Variants in WWP2 observed in about 807,000 individuals in gnomAD.
WWP2 encodes the protein WW domain containing E3 ubiquitin protein ligase 2.
In WWP2, 57 loss-of-function variants were observed where a neutral mutation model predicts 121.0. That is an observed-to-expected ratio of 0.47 (90% CI 0.38 to 0.59). The LOEUF (loss-of-function observed/expected upper bound fraction) is 0.59, where lower values mean the gene tolerates loss of function less well. Ranked by LOEUF, WWP2 falls within the 20% of genes least tolerant of loss-of-function variation. The pLI is 0.00. For synonymous variants in WWP2, 449 were observed against 441.3 expected (o/e 1.02, Z -0.22); for missense variants, 962 against 1,158.9 (o/e 0.83, Z 2.47).
intron 1 of WWP2, among the ~76,000 whole-genome samples, chr16:69,778,940 C>T (rs1048087960): frequency 1.2e-4 from 4 of 32,642 alleles, no homozygotes; most frequent in South Asian, 1.2e-3. Flanking sequence ...CACACCTGGC[C>T]GGTTATTTAT....
At chr16:69,930,495 T>G (rs1331125989) in intron 13 of WWP2, among the ~76,000 whole-genome samples, 1 of 152,100 alleles carries the variant, frequency 6.6e-6, no homozygotes, top group African/African-American at 2.4e-5. Context: ...ATAAAAAAGA[T>G]TAACCAGGCT....
At chr16:69,922,529 C>T (rs2058578358) in intron 10 of WWP2, among the ~76,000 whole-genome samples, 1 of 152,168 alleles carries the variant, frequency 6.6e-6, no homozygotes, top group Non-Finnish European at 1.5e-5. Context: ...TAGGATCTCC[C>T]TTCTGGCTGC....
intron 4 of WWP2, among the ~76,000 whole-genome samples, chr16:69,836,917 T>G (rs986181109): frequency 1.4e-5 from 2 of 141,972 alleles, no homozygotes; most frequent in African/African-American, 5.3e-5. Context: ...TGAGCCACCA[T>G]GCCCAGTCCT....
At chr16:69,854,245 G>T (rs1469910157) in intron 6 of WWP2, among the ~76,000 whole-genome samples, 3 of 152,228 alleles carry the variant, frequency 2.0e-5, no homozygotes. Context: ...TTGGTAGCTT[G>T]ACCATGTGCT....
At position 69,937,322 on chromosome 16, in the gene WWP2, A is replaced by G; in HGVS notation, c.2238+84A>G. On this transcript the variant is annotated intron_variant, in intron 20 of 23. Transcript: ENST00000359154. The surrounding 1 kb of genome is among the most constrained non-coding windows in gnomAD (Gnocchi z 6.6). ...TGATACGCTCACTGTGTACCCACAGACACTCAGCGTAAAACTCCCACTTCG... is the reference window on the plus strand; with the variant it reads ...TGATACGCTCACTGTGTACCCACAGGCACTCAGCGTAAAACTCCCACTTCG... 4 of 1,566,082 alleles carry G rather than the reference A, an allele frequency of 2.6e-6. No individual in the cohort carries two copies. The highest frequency in any genetic ancestry group is 1.7e-4 in the Middle Eastern group (1 of 5,852).
intron 1 of WWP2, among the ~76,000 whole-genome samples, chr16:69,778,072 A>AATATATATATATAT (rs138021233): frequency 2.2e-4 from 30 of 137,538 alleles, no homozygotes; most frequent in African/African-American, 6.4e-4. Flanking sequence ...CCCTGTCTCA[A>AATATATATATATAT]ATATATATAT....
chr16:69,835,475 C>G (rs997647367), intron 4 of WWP2, among the ~76,000 whole-genome samples: 5 of 152,124 alleles, frequency 3.3e-5, no homozygotes, highest in African/African-American at 1.2e-4. Flanking sequence ...TTAAAAAAAC[C>G]TTTCCCCAAT....
At chr16:69,843,616 C>T (rs1452453879) in intron 6 of WWP2, among the ~76,000 whole-genome samples, 1 of 152,088 alleles carries the variant, frequency 6.6e-6, no homozygotes, top group Non-Finnish European at 1.5e-5. Flanking sequence ...CCTGTAATTC[C>T]AGCTCTTTTG....
rs1477324474 is a variant in WWP2 at position 69,871,916 on chromosome 16, T to G, written c.688T>G (p.Leu230Val). 1 of 1,613,782 alleles carries G rather than the reference T, an allele frequency of 6.2e-7. No homozygotes were observed. The highest frequency in any genetic ancestry group is 8.5e-7 in the Non-Finnish European group (1 of 1,179,938). ...QPVKNSGHSGLANGTVNDEPT... is the reference protein window; with the variant it reads ...QPVKNSGHSGVANGTVNDEPT... ...CGTCAAGAACTCAGGCCACAGTGGC[T>G]TGGCCAATGGCACAGGTGAGTGATG... The change falls in exon 7 of 24, where the codon TTG becomes GTG. Residue 230 changes from leucine (L) to valine (V), a missense_variant. Leu to Val is a conservative substitution (Grantham distance 32). Coordinates refer to ENST00000359154, the MANE Select transcript of WWP2 (RefSeq NM_001270454.2).
chr16:69,766,861 C>G (rs1173700491), intron 1 of WWP2, among the ~76,000 whole-genome samples: 1 of 152,210 alleles, frequency 6.6e-6, no homozygotes, highest in Non-Finnish European at 1.5e-5. Context: ...TCAAGTGACT[C>G]TCCTGCCTCA....
intron 4 of WWP2, among the ~76,000 whole-genome samples, chr16:69,811,469 A>G (rs1215747134): frequency 6.6e-6 from 1 of 152,140 alleles, no homozygotes; most frequent in Non-Finnish European, 1.5e-5. Context: ...AAATAAAAAA[A>G]TAGCAGGGTC....
At chr16:69,836,686 C>T (rs897625702) in intron 4 of WWP2, among the ~76,000 whole-genome samples, 3 of 152,198 alleles carry the variant, frequency 2.0e-5, no homozygotes, top group African/African-American at 7.2e-5. Context: ...TCTTGGCTCA[C>T]TGCAATGTAT....
chr16:69,876,748 G>A (rs574735430), intron 7 of WWP2, among the ~76,000 whole-genome samples: 6 of 152,256 alleles, frequency 3.9e-5, no homozygotes, highest in South Asian at 2.1e-4. Flanking sequence ...TTGTGTTAGC[G>A]GGCATGAAAA....
chr16:69,794,916 C>T (rs2055996532), intron 2 of WWP2, among the ~76,000 whole-genome samples: 1 of 152,058 alleles, frequency 6.6e-6, no homozygotes, highest in African/African-American at 2.4e-5. Flanking sequence ...GGAAAAATGG[C>T]TTTAAAAATA....
chr16:69,870,616 A>G (rs750574470), intron 6 of WWP2, among the ~76,000 whole-genome samples: 54 of 152,092 alleles, frequency 3.6e-4, no homozygotes, highest in Non-Finnish European at 1.5e-4. Context: ...TATTGTTGAG[A>G]GTAGTTTTAT....
chr16:69,780,101 C>T (rs2055631654), intron 1 of WWP2, among the ~76,000 whole-genome samples: 1 of 152,208 alleles, frequency 6.6e-6, no homozygotes, highest in African/African-American at 2.4e-5. Context: ...CCTCCCCTAC[C>T]CTAGAGGGAA....
At position 69,935,175 on chromosome 16, in the gene WWP2, C is replaced by T. The variant is rs1388326350; in HGVS notation, c.1843-678C>T. 3.3e-5 allele frequency among the ~76,000 whole-genome samples: 5 copies of T among 152,162 alleles called. No individual in the cohort carries two copies. The highest frequency in any genetic ancestry group is 2.1e-4 in the South Asian group (1 of 4,826). On this transcript the variant is annotated intron_variant, in intron 17 of 23. Coordinates refer to ENST00000359154, the MANE Select transcript of WWP2 (RefSeq NM_001270454.2). This position sits in a 1 kb window ranked among gnomAD's most constrained non-coding sequence, Gnocchi z 5.2. ...GAGATGTTTCAATTCTCCTTTCCTT[C>T]GCTTCTTCCCCTGCCTTCCTGAGTG...
intron 12 of WWP2, 90 bp from the exon 13 acceptor site, chr16:69,930,040 G>T: frequency 6.3e-7 from 1 of 1,584,084 alleles, no homozygotes; most frequent in South Asian, 1.1e-5. Context: ...GCTCTGCAGA[G>T]ACAAAGCCAC....
chr16:69,787,319 G>A (rs928654418), intron 2 of WWP2, among the ~76,000 whole-genome samples: 3 of 152,230 alleles, frequency 2.0e-5, no homozygotes, highest in Admixed American at 6.5e-5. Flanking sequence ...GCCAGGTGCA[G>A]TGGCTCACGC....
Sources: allele counts gnomAD v4.1 joint callset (sites outside exome capture counted in the v4.1 genomes callset), GRCh38; gene constraint gnomAD v4.1.1; non-coding constraint Gnocchi (gnomAD v3.1); transcripts MANE v1.5; gene names NCBI Gene and HGNC (gene_info 2026-07-23, HGNC 2026-07-21).